FAHD1: variants seen among roughly 807,000 people sequenced by gnomAD.
FAHD1 encodes the protein oxaloacetate tautomerase FAHD1, mitochondrial.
In FAHD1, 14 loss-of-function variants were observed where a neutral mutation model predicts 12.7. That is an observed-to-expected ratio of 1.10 (90% CI 0.73 to 1.72). The LOEUF (loss-of-function observed/expected upper bound fraction) is 1.72, where lower values mean the gene tolerates loss of function less well. FAHD1 is among the 40% of genes most tolerant of loss of function. FAHD1 has a pLI of 0.00. For synonymous variants in FAHD1, 153 were observed against 124.9 expected, an observed-to-expected ratio of 1.22 and a Z score of -1.50; for missense variants, 351 against 298.9, an observed-to-expected ratio of 1.17 and a Z score of -1.29.
At chr16:1,837,008 G>A (rs1898765872) in intron 1 of FAHD1, among the ~76,000 whole-genome samples, 1 of 152,086 alleles carries the variant, frequency 6.6e-6, no homozygotes, top group South Asian at 2.1e-4. Context: ...TCTCACCTGT[G>A]ACCCAGTGCA....
downstream of FAHD1, among the ~76,000 whole-genome samples, chr16:1,830,962 C>T (rs983000021): frequency 2.2e-4 from 30 of 138,052 alleles, no homozygotes; most frequent in Admixed American, 7.9e-4. Context: ...TTTGGAAATG[C>T]GTCGGGATGG....
At chr16:1,835,278 TATAAC>T (rs955728916) in intron 1 of FAHD1, among the ~76,000 whole-genome samples, 10 of 150,886 alleles carry the variant, frequency 6.6e-5, no homozygotes, top group African/African-American at 2.4e-4. Flanking sequence ...AAAAAAAAAG[TATAAC>T]ATATGAAAAA....
chr16:1,827,359 C>T, exon 1 of FAHD1: 1 of 1,613,096 alleles, frequency 6.2e-7, no homozygotes, highest in Non-Finnish European at 8.5e-7. Flanking sequence ...CGAGCCCGTG[C>T]TGTTCCTGAA....
At chr16:1,827,641 GAGA>G (rs1394475804) in exon 1 of FAHD1, 21 of 1,614,058 alleles carry the variant, frequency 1.3e-5, no homozygotes, top group East Asian at 2.2e-5. Context: ...CGTGCCCAAG[GAGA>G]AGATCCCTGA....
chr16:1,832,299 T>C (rs1898636038), downstream of FAHD1, among the ~76,000 whole-genome samples: 1 of 147,488 alleles, frequency 6.8e-6, no homozygotes, highest in African/African-American at 2.5e-5. Flanking sequence ...GCCTCCCGAG[T>C]AGCTGGGACT....
At chr16:1,839,043 T>C (rs1898826200) in intron 2 of FAHD1, among the ~76,000 whole-genome samples, 2 of 152,216 alleles carry the variant, frequency 1.3e-5, no homozygotes, top group African/African-American at 4.8e-5. Flanking sequence ...CAGTCATTAC[T>C]CATAATAGTA....
At chr16:1,827,379 G>A (rs1414868561) in exon 1 of FAHD1, 1 of 1,612,428 alleles carries the variant, frequency 6.2e-7, no homozygotes, top group Admixed American at 1.7e-5. Context: ...AGCCGTCCAC[G>A]GCCTACGCGC....
exon 3 of FAHD1, chr16:1,839,526 CTACGACAGTGTGTGGAAAACT>C: frequency 8.1e-7 from 1 of 1,236,958 alleles, no homozygotes; most frequent in East Asian, 2.5e-5. Flanking sequence ...ACTAAAAACT[CTACGACAGTGTGTGGAAAACT>C]TACTGAGTGT....
chr16:1,838,266 G>C, intron 2 of FAHD1: 1 of 410,310 alleles, frequency 2.4e-6, no homozygotes, highest in Middle Eastern at 5.1e-4. Flanking sequence ...TCCCAAAGTG[G>C]TAGGATTACA....
chr16:1,838,045 G>A, exon 2 of FAHD1: 1 of 1,267,814 alleles, frequency 7.9e-7, no homozygotes, highest in Non-Finnish European at 1.1e-6. Context: ...CGCCCAAGCT[G>A]GAGTGCAGCA....
chr16:1,833,164 A>G (rs1311615934), downstream of FAHD1, among the ~76,000 whole-genome samples: 3 of 152,160 alleles, frequency 2.0e-5, no homozygotes, highest in Non-Finnish European at 4.4e-5. Context: ...GTGACTCTCA[A>G]TGGTGTGCAG....
chr16:1,832,315 C>CATCT (rs1220006826), downstream of FAHD1, among the ~76,000 whole-genome samples: 4 of 149,728 alleles, frequency 2.7e-5, no homozygotes, highest in African/African-American at 9.7e-5. Context: ...GGACTACAGG[C>CATCT]GCCCTCCACC....
chr16:1,838,237 TG>T, intron 2 of FAHD1: 1 of 418,782 alleles, frequency 2.4e-6, no homozygotes. Flanking sequence ...TGGCCTCAAG[TG>T]ATCCTCCTGC....
At chr16:1,839,256 G>T in intron 2 of FAHD1, 1 of 1,586,090 alleles carries the variant, frequency 6.3e-7, no homozygotes. Flanking sequence ...GCTATTTACC[G>T]TGCAGCCCAA....
chr16:1,830,414 A>T (rs963143417), downstream of FAHD1, among the ~76,000 whole-genome samples: 3 of 152,230 alleles, frequency 2.0e-5, no homozygotes, highest in African/African-American at 7.2e-5. Context: ...GAAGTGTATT[A>T]TTAGTCTGCT....
intron 1 of FAHD1, among the ~76,000 whole-genome samples, chr16:1,835,866 T>C (rs1387419512): frequency 9.7e-6 from 1 of 102,588 alleles, no homozygotes; most frequent in African/African-American, 3.5e-5. Flanking sequence ...CTTTTTCTTT[T>C]TTTTTTTTTT....
chr16:1,837,231 G>A (rs1211717533), intron 1 of FAHD1, among the ~76,000 whole-genome samples: 1 of 152,112 alleles, frequency 6.6e-6, no homozygotes, highest in Non-Finnish European at 1.5e-5. Context: ...CTCACAGGCT[G>A]AGGTGTGGTG....
chr16:1,838,176 G>T (rs67309640), intron 2 of FAHD1: 83,445 of 483,800 alleles, frequency 0.17, 7,561 homozygotes, highest in East Asian at 0.2. Context: ...TATGTTTTAT[G>T]TTTTGTAGAG....
intron 1 of FAHD1, among the ~76,000 whole-genome samples, chr16:1,836,075 G>C (rs1596960031): frequency 6.6e-6 from 1 of 152,040 alleles, no homozygotes; most frequent in Non-Finnish European, 1.5e-5. Flanking sequence ...GGACAGGCTG[G>C]TCATGAACCA....
Sources: allele counts gnomAD v4.1 joint callset (sites outside exome capture counted in the v4.1 genomes callset), GRCh38; gene constraint gnomAD v4.1.1; transcripts MANE v1.5; gene names NCBI Gene and HGNC (gene_info 2026-07-23, HGNC 2026-07-21).